Variants in UBTD1 observed in about 807,000 individuals in gnomAD.
UBTD1 encodes the protein ubiquitin domain-containing protein 1.
In UBTD1, 19 loss-of-function variants were observed where a neutral mutation model predicts 21.7. The ratio of observed to expected loss-of-function variants is 0.87; its 90% confidence interval spans 0.61 to 1.28. The LOEUF is 1.28. UBTD1 is among the 50% of genes most tolerant of loss of function. The pLI is 0.00. For synonymous variants in UBTD1, 116 were observed against 135.1 expected, an observed-to-expected ratio of 0.86 and a Z score of 0.98; for missense variants, 282 against 315.1, an observed-to-expected ratio of 0.89 and a Z score of 0.80.
At chr10:97,513,517 G>A (rs986367425) in intron 1 of UBTD1, among the ~76,000 whole-genome samples, 1 of 152,200 alleles carries the variant, frequency 6.6e-6, no homozygotes, top group African/African-American at 2.4e-5. Context: ...TTGGAAGTAA[G>A]TGGGCATAGT....
intron 1 of UBTD1, among the ~76,000 whole-genome samples, chr10:97,543,176 A>G (rs1310056234): frequency 6.6e-6 from 1 of 152,254 alleles, no homozygotes; most frequent in African/African-American, 2.4e-5. Context: ...GAGGGTCAGA[A>G]GAGACACTTG....
chr10:97,531,049 A>G (rs1256939880), intron 1 of UBTD1, among the ~76,000 whole-genome samples: 3 of 150,530 alleles, frequency 2.0e-5, no homozygotes, highest in South Asian at 4.2e-4. Flanking sequence ...CACCACGCCC[A>G]ACTAATTTTT....
chr10:97,531,129 C>G (rs894575563), intron 1 of UBTD1, among the ~76,000 whole-genome samples: 2 of 151,768 alleles, frequency 1.3e-5, no homozygotes, highest in African/African-American at 4.8e-5. Flanking sequence ...CCTCGTGATC[C>G]GCCCTCCTTG....
intron 1 of UBTD1, among the ~76,000 whole-genome samples, chr10:97,511,481 A>T (rs2135658247): frequency 6.6e-6 from 1 of 152,252 alleles, no homozygotes; most frequent in African/African-American, 2.4e-5. Context: ...GCCACTCATG[A>T]CTAGCAAATA....
chr10:97,568,009 G>C lies in UBTD1; in HGVS notation c.166G>C (p.Asp56His). ...GCGGAGCAAACGGGATGAGTTCTGG[G>C]ACACAGCGCCTGCCTTCGAGGGCCG... Reference protein sequence around the residue: ...QLRSKRDEFWDTAPAFEGRKE... With the variant: ...QLRSKRDEFWHTAPAFEGRKE... Residue 56 changes from aspartate (D) to histidine (H), a missense_variant, in exon 2 of 3, where the codon GAC becomes CAC. Physicochemically the swap from Asp to His is moderately conservative, Grantham distance 81. Transcript: ENST00000370664. The C allele has an allele frequency of 1.9e-6, 3 of 1,614,126 alleles. No individual in the cohort carries two copies. The highest frequency in any genetic ancestry group is 2.5e-6 in the Non-Finnish European group (3 of 1,180,036).
Position 97,498,978 on chromosome 10 carries a change from CT to C in UBTD1, c.-225del, listed in dbSNP as rs2135641850. On this transcript the variant is annotated 5_prime_UTR_variant, in exon 1 of 3. Coordinates refer to ENST00000370664, the MANE Select transcript of UBTD1 (RefSeq NM_024954.5). ...CGGCCGGGCACCGTCGCGGGCCCCC[CT>C]GGCCCGGCCACCTGGGACCGTGCTG... 1 of 478,196 alleles carries C rather than the reference CT, an allele frequency of 2.1e-6. No homozygotes were observed. The highest frequency in any genetic ancestry group is 2.0e-5 in the African/African-American group (1 of 48,970). 29.6% of individuals were successfully genotyped at this position (478,196 alleles called of 1,614,324 possible). A position where few individuals can be genotyped will look rare whatever the true frequency, so the allele number is the denominator to read the frequency against.
intron 1 of UBTD1, among the ~76,000 whole-genome samples, chr10:97,545,536 A>G (rs1291431925): frequency 6.6e-6 from 1 of 151,984 alleles, no homozygotes; most frequent in Non-Finnish European, 1.5e-5. Context: ...TATAACACGT[A>G]TGTGTTAGGT....
intron 1 of UBTD1, among the ~76,000 whole-genome samples, chr10:97,537,016 G>A (rs2040565957): frequency 6.6e-6 from 1 of 152,010 alleles, no homozygotes; most frequent in Non-Finnish European, 1.5e-5. Context: ...ACGTGCATTC[G>A]GACAACAAGG....
chr10:97,559,456 C>T (rs181729940), intron 1 of UBTD1, among the ~76,000 whole-genome samples: 2 of 152,276 alleles, frequency 1.3e-5, no homozygotes, highest in Admixed American at 6.5e-5. Context: ...CTTTTATGAT[C>T]CTCTAGTAAA....
chr10:97,553,082 A>C (rs2040647942), intron 1 of UBTD1, among the ~76,000 whole-genome samples: 1 of 152,234 alleles, frequency 6.6e-6, no homozygotes, highest in Non-Finnish European at 1.5e-5. Flanking sequence ...ATGAATGTTC[A>C]CACTTTCCAC....
At chr10:97,535,443 A>G (rs774450024) in intron 1 of UBTD1, among the ~76,000 whole-genome samples, 10 of 152,156 alleles carry the variant, frequency 6.6e-5, no homozygotes, top group Admixed American at 5.2e-4. Context: ...GTGAAACCCC[A>G]TATCTACTGA....
chr10:97,528,059 G>A (rs1369184226), intron 1 of UBTD1, among the ~76,000 whole-genome samples: 15 of 142,486 alleles, frequency 1.1e-4, no homozygotes, highest in East Asian at 6.5e-4. Flanking sequence ...CGGACGGGGC[G>A]GCTGGCTGGG....
At chr10:97,529,138 A>G (rs995794208) in intron 1 of UBTD1, among the ~76,000 whole-genome samples, 1 of 150,512 alleles carries the variant, frequency 6.6e-6, no homozygotes, top group Admixed American at 6.6e-5. Flanking sequence ...GCAGCGGGGC[A>G]GAGGCGCTCC....
At chr10:97,568,436 G>T (rs537472094) in intron 2 of UBTD1, among the ~76,000 whole-genome samples, 157 of 150,318 alleles carry the variant, frequency 1.0e-3, no homozygotes, top group African/African-American at 3.7e-3. Flanking sequence ...TTTTTTTTTT[G>T]AGATGGAGTC....
At chr10:97,503,971 A>G (rs2040388172) in intron 1 of UBTD1, among the ~76,000 whole-genome samples, 1 of 152,128 alleles carries the variant, frequency 6.6e-6, no homozygotes, top group African/African-American at 2.4e-5. Flanking sequence ...TGTCCAAAAC[A>G]GAATGAACCC....
intron 1 of UBTD1, among the ~76,000 whole-genome samples, chr10:97,521,084 C>G (rs766922045): frequency 2.6e-5 from 4 of 152,188 alleles, no homozygotes; most frequent in African/African-American, 7.2e-5. Flanking sequence ...CCTGCCAGCT[C>G]CCATCTCGCC....
At chr10:97,526,277 A>AAAGGGT (rs2040487970) in intron 1 of UBTD1, among the ~76,000 whole-genome samples, 1 of 152,248 alleles carries the variant, frequency 6.6e-6, no homozygotes, top group Non-Finnish European at 1.5e-5. Context: ...AAGAACCTTA[A>AAAGGGT]AACTATCCCT....
intron 1 of UBTD1, among the ~76,000 whole-genome samples, chr10:97,514,444 G>T (rs904219731): frequency 6.6e-6 from 1 of 152,110 alleles, no homozygotes; most frequent in African/African-American, 2.4e-5. Context: ...GAGTTGTTGG[G>T]GACACAGCCG....
intron 1 of UBTD1, among the ~76,000 whole-genome samples, chr10:97,522,221 C>T (rs2040469655): frequency 6.6e-6 from 1 of 152,252 alleles, no homozygotes; most frequent in Non-Finnish European, 1.5e-5. Context: ...GGTCGTTCCA[C>T]TTAGCACCCT....
Sources: allele counts gnomAD v4.1 joint callset (sites outside exome capture counted in the v4.1 genomes callset), GRCh38; gene constraint gnomAD v4.1.1; transcripts MANE v1.5; gene names NCBI Gene and HGNC (gene_info 2026-07-23, HGNC 2026-07-21).